Variants in GPC6 observed in about 807,000 individuals in gnomAD.
The protein encoded by GPC6 is glypican-6.
A neutral mutation model predicts 55.2 loss-of-function variants in GPC6; 14 were observed. The ratio of observed to expected loss-of-function variants is 0.25; its 90% CI spans 0.17 to 0.40. The LOEUF is 0.40. Among genes scored for constraint, GPC6 ranks in the 10% least tolerant of loss-of-function variants. The pLI, the probability that GPC6 is intolerant of heterozygous loss-of-function variation, is 1.00. For synonymous variants in GPC6, 278 were observed against 259.6 expected (o/e 1.07, Z -0.68); for missense variants, 641 against 708.5 (o/e 0.90, Z 1.08).
At chr13:93,324,593 T>TATATATACACACATAAATAC (rs1240383059) in intron 1 of GPC6, among the ~76,000 whole-genome samples, 1 of 128,880 alleles carries the variant, frequency 7.8e-6, no homozygotes, top group African/African-American at 2.7e-5. Flanking sequence ...CATACATATA[T>TATATATACACACATAAATAC]ATATATATAT....
chr13:93,800,765 T>A (rs1244355833), intron 2 of GPC6, among the ~76,000 whole-genome samples: 1 of 152,196 alleles, frequency 6.6e-6, no homozygotes, highest in African/African-American at 2.4e-5. Flanking sequence ...ATTCAAAATG[T>A]GCACTAAAAA....
At chr13:93,327,185 A>G (rs1041727164) in intron 1 of GPC6, among the ~76,000 whole-genome samples, 11 of 152,162 alleles carry the variant, frequency 7.2e-5, no homozygotes, top group African/African-American at 2.7e-4. Context: ...ACTTACCTCT[A>G]TCTTTTTAAT....
Position 94,095,582 on chromosome 13 carries a change from A to G in GPC6, c.877+67688A>G, listed in dbSNP as rs181035067. Among the ~76,000 whole-genome samples the G allele has an allele frequency of 2.5e-3, 388 of 152,280 alleles. 1 individual carries two copies. Among genetic ancestry groups the G allele is most frequent in the African/African-American group, 9.0e-3 (373 of 41,568 alleles). ...ACACTTTCAGGGTATTTGAATTTGG[A>G]CCAGCCACATTTCAAGTGATCAGTA... On this transcript the variant is annotated intron_variant, in intron 4 of 8. Coordinates refer to ENST00000377047, the MANE Select transcript of GPC6 (RefSeq NM_005708.5).
At chr13:94,305,945 G>A in intron 5 of GPC6, 35 bp from the exon 6 acceptor site, 2 of 1,608,188 alleles carry the variant, frequency 1.2e-6, no homozygotes, top group East Asian at 4.5e-5. Context: ...AAAACTCATT[G>A]TATAGCTGTT....
At chr13:93,874,427 A>G (rs1889225734) in intron 3 of GPC6, among the ~76,000 whole-genome samples, 1 of 151,324 alleles carries the variant, frequency 6.6e-6, no homozygotes. Context: ...TATGTACCAT[A>G]TTTTCTTTAT....
intron 2 of GPC6, among the ~76,000 whole-genome samples, chr13:93,676,191 A>G (rs1881623355): frequency 2.3e-5 from 2 of 85,358 alleles, no homozygotes; most frequent in Non-Finnish European, 5.8e-5. Context: ...ACACACACAC[A>G]TATATATGTA....
chr13:93,967,610 T>C (rs1445681894), intron 3 of GPC6, among the ~76,000 whole-genome samples: 1 of 152,202 alleles, frequency 6.6e-6, no homozygotes, highest in African/African-American at 2.4e-5. Flanking sequence ...TATGCACCTG[T>C]AAAACATCTT....
chr13:94,161,793 T>TA (rs1398669683), intron 4 of GPC6, among the ~76,000 whole-genome samples: 2 of 152,170 alleles, frequency 1.3e-5, no homozygotes, highest in Non-Finnish European at 2.9e-5. Context: ...ACACTGCTGA[T>TA]AAACGCATAC....
At chr13:93,327,905 C>T (rs973600276) in intron 1 of GPC6, among the ~76,000 whole-genome samples, 4 of 151,974 alleles carry the variant, frequency 2.6e-5, no homozygotes. Context: ...AATGCCTTGA[C>T]CAAAGGATCA....
intron 4 of GPC6, among the ~76,000 whole-genome samples, chr13:94,099,021 TC>T (rs1885758788): frequency 1.3e-5 from 2 of 152,066 alleles, no homozygotes; most frequent in South Asian, 4.1e-4. Flanking sequence ...CATATATTTA[TC>T]CCACAAGTGA....
chr13:94,211,680 C>G (rs1056374421), intron 4 of GPC6, among the ~76,000 whole-genome samples: 4 of 152,154 alleles, frequency 2.6e-5, no homozygotes, highest in East Asian at 1.9e-4. Flanking sequence ...CGTGGTCTGT[C>G]CAAAGTTAAA....
At chr13:93,948,381 A>C (rs1879107335) in intron 3 of GPC6, among the ~76,000 whole-genome samples, 1 of 152,176 alleles carries the variant, frequency 6.6e-6, no homozygotes, top group Admixed American at 6.6e-5. Context: ...AGATCCAATT[A>C]TTCTTGTAGG....
intron 1 of GPC6, among the ~76,000 whole-genome samples, chr13:93,477,840 T>C (rs577122123): frequency 1.3e-5 from 2 of 152,162 alleles, no homozygotes; most frequent in Non-Finnish European, 2.9e-5. Context: ...ATGTGCAGAG[T>C]GAGTACAGAC....
intron 1 of GPC6, among the ~76,000 whole-genome samples, chr13:93,354,512 G>A (rs1460432125): frequency 1.5e-5 from 2 of 137,818 alleles, no homozygotes; most frequent in African/African-American, 5.8e-5. Context: ...TACCACACTC[G>A]GCTATTATTT....
chr13:94,153,198 C>G (rs770497291), intron 4 of GPC6, among the ~76,000 whole-genome samples: 11 of 152,094 alleles, frequency 7.2e-5, no homozygotes, highest in Non-Finnish European at 1.5e-4. Context: ...ATTGCCCCCA[C>G]TTCTTCCATT....
intron 1 of GPC6, among the ~76,000 whole-genome samples, chr13:93,303,607 G>T (rs1878756333): frequency 6.6e-6 from 1 of 152,052 alleles, no homozygotes; most frequent in Admixed American, 6.6e-5. Flanking sequence ...GGAAGCTTGA[G>T]GTTAGTAGAT....
At chr13:94,327,490 G>T (rs1877184692) in intron 6 of GPC6, among the ~76,000 whole-genome samples, 1 of 152,090 alleles carries the variant, frequency 6.6e-6, no homozygotes, top group African/African-American at 2.4e-5. Flanking sequence ...CAGGAAAAAT[G>T]GTGTTTTCAT....
chr13:94,288,817 AAATATAT>A (rs1316719201), intron 5 of GPC6, among the ~76,000 whole-genome samples: 16 of 59,710 alleles, frequency 2.7e-4, no homozygotes, highest in African/African-American at 3.7e-4. Flanking sequence ...TATATATAAT[AAATATAT>A]ATATTTGTTA....
intron 2 of GPC6, among the ~76,000 whole-genome samples, chr13:93,624,293 G>C (rs914377325): frequency 6.6e-6 from 1 of 151,996 alleles, no homozygotes; most frequent in African/African-American, 2.4e-5. Flanking sequence ...AATCTAAGGA[G>C]CTCTCTTAAA....
Sources: allele counts gnomAD v4.1 joint callset (sites outside exome capture counted in the v4.1 genomes callset), GRCh38; gene constraint gnomAD v4.1.1; transcripts MANE v1.5; gene names NCBI Gene and HGNC (gene_info 2026-07-23, HGNC 2026-07-21).